Variants in ATRNL1 observed in about 807,000 individuals in gnomAD.
The protein encoded by ATRNL1 is attractin-like protein 1.
Under a neutral mutation model 182.7 loss-of-function variants are expected in ATRNL1, and 95 were observed. The observed-to-expected ratio is 0.52, with a 90% CI of 0.44 to 0.62. ATRNL1 has a LOEUF of 0.62. ATRNL1 is among the 20% of genes least tolerant of loss of function. The pLI is 0.00. For missense variants in ATRNL1, 1,471 were observed against 1,679.5 expected (o/e 0.88, Z 2.17); for synonymous variants, 576 against 568.3 (o/e 1.01, Z -0.19).
intron 19 of ATRNL1, among the ~76,000 whole-genome samples, chr10:115,357,943 C>T (rs1856572843): frequency 6.6e-6 from 1 of 151,566 alleles, no homozygotes; most frequent in South Asian, 2.1e-4. Context: ...CTTTTAGGCT[C>T]AATTTCAAAA....
chr10:115,592,491 GAAAC>G (rs1272498312), intron 26 of ATRNL1, among the ~76,000 whole-genome samples: 1 of 152,078 alleles, frequency 6.6e-6, no homozygotes, highest in African/African-American at 2.4e-5. Flanking sequence ...ATCCTAAAAA[GAAAC>G]AACATAACCA....
intron 5 of ATRNL1, among the ~76,000 whole-genome samples, chr10:115,143,348 A>G (rs1248315494): frequency 6.6e-6 from 1 of 151,992 alleles, no homozygotes; most frequent in African/African-American, 2.4e-5. Context: ...TGCTCTCAAT[A>G]TAGCTAATTC....
In ATRNL1 at chr10:115,120,181, C is replaced by T. The variant is rs1844664726; in HGVS notation, c.294-4C>T. The T allele has an allele frequency of 6.8e-7, 1 of 1,467,394 alleles. No individual in the cohort carries two copies. The highest frequency in any genetic ancestry group is 1.8e-5 in the Admixed American group (1 of 56,732). The allele number at this position is 1,467,394 out of a possible 1,614,324, so 90.9% of individuals were successfully genotyped here. A position where few individuals can be genotyped will look rare whatever the true frequency, so the allele number is the denominator to read the frequency against. On this transcript the variant is annotated splice_region_variant and splice_polypyrimidine_tract_variant and intron_variant, in intron 1 of 28. Transcript: ENST00000355044. ...TATTTTCATTATTTTATTTTCTCTT[C>T]CAGGTTAACAGAACCTTCTGGATAT...
intron 27 of ATRNL1, among the ~76,000 whole-genome samples, chr10:115,736,296 T>G (rs2804167): frequency 0.95 from 144,073 of 152,052 alleles, 68,716 homozygotes; most frequent in East Asian, 1. Context: ...AAATCTGTTT[T>G]TGACCTGCTT....
intron 26 of ATRNL1, among the ~76,000 whole-genome samples, chr10:115,624,763 A>G (rs1223101522): frequency 1.3e-5 from 2 of 152,190 alleles, no homozygotes; most frequent in African/African-American, 2.4e-5. Flanking sequence ...TACGATACAT[A>G]AAAGTAGTGT....
At chr10:115,687,188 T>C (rs188966619) in intron 26 of ATRNL1, among the ~76,000 whole-genome samples, 47 of 152,190 alleles carry the variant, frequency 3.1e-4, no homozygotes, top group African/African-American at 1.1e-3. Context: ...ATACATATAA[T>C]TGTGTTGTAT....
intron 5 of ATRNL1, among the ~76,000 whole-genome samples, chr10:115,131,333 A>G (rs1554875117): frequency 6.6e-6 from 1 of 152,142 alleles, no homozygotes; most frequent in African/African-American, 2.4e-5. Context: ...CAGAAATAAG[A>G]CAATTTTATA....
intron 8 of ATRNL1, among the ~76,000 whole-genome samples, chr10:115,177,924 GTT>G (rs587742941): frequency 4.3e-4 from 35 of 81,754 alleles, no homozygotes; most frequent in East Asian, 8.5e-4. Context: ...TTTTTTTTTT[GTT>G]TTTTTTTTTT....
At chr10:115,239,093 A>G (rs953950729) in intron 9 of ATRNL1, among the ~76,000 whole-genome samples, 25 of 152,130 alleles carry the variant, frequency 1.6e-4, no homozygotes, top group African/African-American at 5.8e-4. Context: ...TCTTCATTAT[A>G]TTTAAATTAT....
At chr10:115,221,334 A>G (rs978660116) in intron 9 of ATRNL1, among the ~76,000 whole-genome samples, 1 of 152,128 alleles carries the variant, frequency 6.6e-6, no homozygotes, top group African/African-American at 2.4e-5. Flanking sequence ...TATCCACTGT[A>G]TAGACTGATA....
chr10:115,833,116 T>A (rs1402649121), intron 27 of ATRNL1, among the ~76,000 whole-genome samples: 1 of 152,192 alleles, frequency 6.6e-6, no homozygotes, highest in Non-Finnish European at 1.5e-5. Context: ...AATATATTTT[T>A]AAGGAGATAA....
At chr10:115,507,386 A>AT (rs1850166172) in intron 24 of ATRNL1, among the ~76,000 whole-genome samples, 1 of 151,972 alleles carries the variant, frequency 6.6e-6, no homozygotes, top group African/African-American at 2.4e-5. Context: ...AAATGCTAGG[A>AT]TTTTTTGCTA....
At chr10:115,336,090 A>G (rs1251952473) in intron 19 of ATRNL1, among the ~76,000 whole-genome samples, 4 of 152,220 alleles carry the variant, frequency 2.6e-5, no homozygotes, top group Non-Finnish European at 2.9e-5. Flanking sequence ...ACAAAACTGT[A>G]TGGTATTACT....
chr10:115,915,253 C>A (rs905350682), intron 28 of ATRNL1, among the ~76,000 whole-genome samples: 12 of 152,038 alleles, frequency 7.9e-5, no homozygotes, highest in African/African-American at 2.7e-4. Flanking sequence ...AAAAAATTAG[C>A]CAGGCGTGGT....
At chr10:115,361,304 T>C (rs1856735531) in intron 19 of ATRNL1, among the ~76,000 whole-genome samples, 1 of 151,880 alleles carries the variant, frequency 6.6e-6, no homozygotes, top group African/African-American at 2.4e-5. Flanking sequence ...TGTCTACCTG[T>C]CTATGTATGT....
At chr10:115,505,902 T>A (rs1850088156) in intron 24 of ATRNL1, among the ~76,000 whole-genome samples, 1 of 150,460 alleles carries the variant, frequency 6.6e-6, no homozygotes, top group African/African-American at 2.4e-5. Context: ...GTACCAAGTA[T>A]CAAACCAGAA....
intron 26 of ATRNL1, among the ~76,000 whole-genome samples, chr10:115,616,498 T>C (rs138291658): frequency 2.6e-4 from 39 of 152,300 alleles, no homozygotes; most frequent in African/African-American, 8.4e-4. Flanking sequence ...AGGAGCCAAG[T>C]ACCAGTAGCC....
chr10:115,491,160 G>A (rs944414107), intron 24 of ATRNL1, among the ~76,000 whole-genome samples: 3 of 152,048 alleles, frequency 2.0e-5, no homozygotes. Flanking sequence ...CTGTATGAGG[G>A]GTCTGTCAGC....
At chr10:115,634,700 A>G (rs1858747877) in intron 26 of ATRNL1, among the ~76,000 whole-genome samples, 1 of 152,166 alleles carries the variant, frequency 6.6e-6, no homozygotes, top group African/African-American at 2.4e-5. Flanking sequence ...AAATATTTAT[A>G]TGATTTTTTA....
Sources: gnomAD v4.1 joint callset for allele counts (sites outside exome capture counted in the v4.1 genomes callset) on GRCh38, gnomAD v4.1.1 for gene constraint, MANE v1.5 for transcripts, NCBI Gene and HGNC (gene_info 2026-07-23, HGNC 2026-07-21) for gene names.